The following STRIP2 variants were observed in gnomAD, a reference collection of about 807,000 sequenced individuals.
STRIP2 encodes the protein striatin-interacting protein 2.
In STRIP2, 84 loss-of-function variants were observed where a neutral mutation model predicts 107.1. The observed-to-expected ratio is 0.78, with a 90% CI of 0.66 to 0.94. STRIP2 has a LOEUF of 0.94. Among genes scored for constraint, STRIP2 ranks in the 40% least tolerant of loss-of-function variants. The pLI, the probability that STRIP2 is intolerant of heterozygous loss-of-function variation, is 0.00. For missense variants in STRIP2, 888 were observed against 1,034.2 expected, an observed-to-expected ratio of 0.86 and a Z score of 1.94; for synonymous variants, 394 against 400.4, an observed-to-expected ratio of 0.98 and a Z score of 0.19.
intron 4 of STRIP2, among the ~76,000 whole-genome samples, chr7:129,452,863 T>C (rs1798233671): frequency 6.6e-6 from 1 of 152,184 alleles, no homozygotes; most frequent in South Asian, 2.1e-4. Flanking sequence ...TTATACTGTT[T>C]CCAAATTATC....
intron 17 of STRIP2, 105 bp downstream of exon 17, chr7:129,467,555 TG>T (rs1798700642): frequency 2.9e-6 from 2 of 699,754 alleles, no homozygotes. Flanking sequence ...TAGTCCCTCC[TG>T]TCTTAGAGCT....
rs1234167807 is a variant in STRIP2 at position 129,487,693 on chromosome 7, T to A, written c.*1864T>A. ...ATCAAAATAATTTACTGAGCACAAC[T>A]CCTGTAAATTAATCTACAGTCAGGC... On this transcript the variant is annotated 3_prime_UTR_variant, in exon 21 of 21. Coordinates refer to ENST00000249344, the MANE Select transcript of STRIP2 (RefSeq NM_020704.3). 1 of 152,192 alleles carries A rather than the reference T, an allele frequency of 6.6e-6. No homozygotes were observed. The highest frequency in any genetic ancestry group is 1.5e-5 in the Non-Finnish European group (1 of 68,032). 9.4% of individuals were successfully genotyped at this position (152,192 alleles called of 1,614,324 possible). A position where few individuals can be genotyped will look rare whatever the true frequency, so the allele number is the denominator to read the frequency against.
chr7:129,454,363 T>C, intron 6 of STRIP2, 58 bp from the exon 7 acceptor site: 1 of 1,497,234 alleles, frequency 6.7e-7, no homozygotes, highest in South Asian at 1.1e-5. Flanking sequence ...CTCTGAGGTC[T>C]GTGACTATGG....
chr7:129,477,150 C>CAGAGGGAGACCGTGGAAAGAGGG (rs1466035555), intron 18 of STRIP2, among the ~76,000 whole-genome samples: 1 of 127,934 alleles, frequency 7.8e-6, no homozygotes, highest in African/African-American at 2.9e-5. Context: ...CGCTCGGCAT[C>CAGAGGGAGACCGTGGAAAGAGGG]AGAGGGAGAC....
chr7:129,462,342 G>T (rs1271668995), intron 13 of STRIP2, among the ~76,000 whole-genome samples: 1 of 152,220 alleles, frequency 6.6e-6, no homozygotes, highest in Non-Finnish European at 1.5e-5. Context: ...GAGGGACCTT[G>T]TAGGAGGAAG....
At chr7:129,475,895 C>G (rs1161418542) in intron 18 of STRIP2, among the ~76,000 whole-genome samples, 1 of 152,186 alleles carries the variant, frequency 6.6e-6, no homozygotes, top group African/African-American at 2.4e-5. Context: ...GGTCATAGAT[C>G]AACAGCATCC....
Position 129,453,200 on chromosome 7 carries a change from C to T in STRIP2, c.410-27C>T, listed in dbSNP as rs1323951538. 3 of 1,613,422 alleles carry T rather than the reference C, an allele frequency of 1.9e-6. No individual in the cohort carries two copies. The East Asian group carries it at 6.7e-5, about 36-fold the overall frequency. ...AACTGGGATACTGCCACCCCTCAAC[C>T]CCTGTAACAACTGTCTGGTCCTTTA... is the stretch of plus-strand genomic sequence containing the variant. On this transcript the variant is annotated intron_variant, in intron 4 of 20. Coordinates refer to ENST00000249344, the MANE Select transcript of STRIP2 (RefSeq NM_020704.3).
intron 14 of STRIP2, among the ~76,000 whole-genome samples, chr7:129,463,347 G>GA (rs1346008706): frequency 6.6e-6 from 1 of 152,170 alleles, no homozygotes; most frequent in African/African-American, 2.4e-5. Flanking sequence ...TCATGTCCTA[G>GA]ATAGCCTCAG....
chr7:129,461,470 G>A lies in STRIP2; in HGVS notation c.1476+1098G>A, dbSNP rs1798534889. 6.6e-6 allele frequency among the ~76,000 whole-genome samples: 1 copy of A among 152,172 alleles called. No individual in the cohort carries two copies. The highest frequency in any genetic ancestry group is 2.4e-5 in the African/African-American group (1 of 41,432). On this transcript the variant is annotated intron_variant, in intron 13 of 20. Coordinates refer to ENST00000249344, the MANE Select transcript of STRIP2 (RefSeq NM_020704.3). This position sits in a 1 kb window ranked among gnomAD's most constrained non-coding sequence, Gnocchi z 4.0. The stretch of plus-strand genomic sequence containing the variant: ...GGGGCACACCAGTATGTTGAGGGGG[G>A]GATGTGTCAGGAAAGGAGCCAGAAG...
intron 18 of STRIP2, among the ~76,000 whole-genome samples, chr7:129,471,492 C>T (rs985013743): frequency 6.6e-6 from 1 of 152,124 alleles, no homozygotes; most frequent in African/African-American, 2.4e-5. Context: ...CATTGAAGAG[C>T]TCAATAAATG....
intron 18 of STRIP2, among the ~76,000 whole-genome samples, chr7:129,472,584 A>T (rs1165079312): frequency 6.6e-6 from 1 of 152,132 alleles, no homozygotes; most frequent in East Asian, 1.9e-4. Context: ...GAGCCCAGTC[A>T]TGGGCTGCAA....
Position 129,486,789 on chromosome 7 carries a change from A to AT in STRIP2, c.*967dup, listed in dbSNP as rs1397481727. ...TCTTTTTCTGCAGTGTTGATTAATGATTTTTTTCCCGTTTATTGCTAGCAG... is the reference window on the plus strand; with the variant it reads ...TCTTTTTCTGCAGTGTTGATTAATGATTTTTTTTCCCGTTTATTGCTAGCAG... On this transcript the variant is annotated 3_prime_UTR_variant, in exon 21 of 21. Transcript: ENST00000249344. 5.3e-5 allele frequency: 8 copies of AT among 151,878 alleles called. No homozygotes were observed. The highest frequency in any genetic ancestry group is 7.4e-5 in the Non-Finnish European group (5 of 67,978). 9.4% of individuals were successfully genotyped at this position (151,878 alleles called of 1,614,324 possible). A position where few individuals can be genotyped will look rare whatever the true frequency, so the allele number is the denominator to read the frequency against.
intron 18 of STRIP2, among the ~76,000 whole-genome samples, chr7:129,472,707 A>T (rs968809643): frequency 6.6e-6 from 1 of 151,190 alleles, no homozygotes; most frequent in Admixed American, 6.6e-5. Flanking sequence ...TGTTTTTTTC[A>T]GGCTTAACAA....
In STRIP2 at chr7:129,458,153, C is replaced by T; in HGVS notation, c.1039-62C>T. On this transcript the variant is annotated intron_variant, in intron 9 of 20. Coordinates refer to ENST00000249344, the MANE Select transcript of STRIP2 (RefSeq NM_020704.3). The surrounding 1 kb of genome is among the most constrained non-coding windows in gnomAD (Gnocchi z 4.6). ...TGGAGGCCTGTGGATATGGGGTGGC[C>T]TCAGACAAGGATGCCCAGAGTGAGA... 1 of 1,347,194 alleles carries T rather than the reference C, an allele frequency of 7.4e-7. No individual in the cohort carries two copies. The allele number at this position is 1,347,194 out of a possible 1,614,324, so 83.5% of individuals were successfully genotyped here.
chr7:129,434,567 G>T lies in STRIP2; in HGVS notation c.95G>T (p.Arg32Leu), dbSNP rs1452174002. Residue 32 changes from arginine to leucine, a missense_variant, in exon 1 of 21, where the codon CGC becomes CTC. Physicochemically the swap from Arg to Leu is moderately radical, Grantham distance 102 (BLOSUM62 -2). Transcript: ENST00000249344. ...GGGAAGCAGGCGGCGCCCAAGGGCCGCGAAGCGTTCCGAAGCCAGCGGCGG... is the reference window on the plus strand; with the variant it reads ...GGGAAGCAGGCGGCGCCCAAGGGCCTCGAAGCGTTCCGAAGCCAGCGGCGG... Reference protein sequence around the residue: ...GKGKQAAPKGREAFRSQRRES... With the variant: ...GKGKQAAPKGLEAFRSQRRES... The T allele has an allele frequency of 2.0e-5, 30 of 1,516,954 alleles. No individual in the cohort carries two copies. Among genetic ancestry groups the T allele is most frequent in the Non-Finnish European group, 2.5e-5 (29 of 1,139,186 alleles). The allele number at this position is 1,516,954 out of a possible 1,614,324, so 94.0% of individuals were successfully genotyped here.
intron 1 of STRIP2, among the ~76,000 whole-genome samples, chr7:129,439,668 G>T (rs1472470538): frequency 6.6e-6 from 1 of 152,124 alleles, no homozygotes; most frequent in Non-Finnish European, 1.5e-5. Context: ...AGTTCTCTTT[G>T]TTTCTGTCTG....
intron 13 of STRIP2, among the ~76,000 whole-genome samples, chr7:129,460,986 T>G (rs1798517635): frequency 6.6e-6 from 1 of 152,258 alleles, no homozygotes; most frequent in African/African-American, 2.4e-5. Context: ...ATGATCTGAT[T>G]TATGTTTCTA....
chr7:129,485,011 C>T (rs1032566750), intron 20 of STRIP2, among the ~76,000 whole-genome samples: 1 of 152,130 alleles, frequency 6.6e-6, no homozygotes, highest in Non-Finnish European at 1.5e-5. Context: ...AATAAGCTGA[C>T]ATATAGATTT....
chr7:129,479,387 A>G (rs970778091), intron 18 of STRIP2, among the ~76,000 whole-genome samples: 4 of 152,154 alleles, frequency 2.6e-5, no homozygotes, highest in African/African-American at 9.7e-5. Flanking sequence ...GCACTACAGT[A>G]GAAAGTCCCA....
Sources: allele counts gnomAD v4.1 joint callset (sites outside exome capture counted in the v4.1 genomes callset), GRCh38; gene constraint gnomAD v4.1.1; non-coding constraint Gnocchi (gnomAD v3.1); transcripts MANE v1.5; gene names NCBI Gene and HGNC (gene_info 2026-07-23, HGNC 2026-07-21).